Variants in NTRK3 observed in about 807,000 individuals in gnomAD.
NTRK3 encodes neurotrophic receptor tyrosine kinase 3.
NTRK3 carries 24 observed loss-of-function variants against 91.7 expected under a neutral mutation model. The observed-to-expected ratio is 0.26, with a 90% confidence interval of 0.19 to 0.37. NTRK3 has a LOEUF of 0.37. NTRK3 is among the 10% of genes least tolerant of loss of function. The probability of loss-of-function intolerance (pLI) is 1.00; values close to 1 mark genes in which losing one functional copy is unlikely to be tolerated. For synonymous variants in NTRK3, 483 were observed against 404.0 expected (o/e 1.20, Z -2.34); for missense variants, 880 against 1,068.9 (o/e 0.82, Z 2.46).
intron 5 of NTRK3, among the ~76,000 whole-genome samples, chr15:88,170,986 T>A (rs557953142): frequency 6.6e-6 from 1 of 152,130 alleles, no homozygotes; most frequent in South Asian, 2.1e-4. Context: ...AAACCAGCCC[T>A]CCAGATGCAA....
chr15:88,062,369 T>G, intron 13 of NTRK3, among the ~76,000 whole-genome samples: 1 of 152,244 alleles, frequency 6.6e-6, no homozygotes. Context: ...TGTTATTAGC[T>G]GAGCACATGT....
intron 5 of NTRK3, among the ~76,000 whole-genome samples, chr15:88,175,555 T>C (rs981272931): frequency 6.6e-6 from 1 of 152,216 alleles, no homozygotes; most frequent in African/African-American, 2.4e-5. Context: ...TAGAATCAAA[T>C]TGATCCATTT....
At chr15:88,252,348 T>A (rs1007250524) in intron 3 of NTRK3, among the ~76,000 whole-genome samples, 1 of 152,048 alleles carries the variant, frequency 6.6e-6, no homozygotes, top group Non-Finnish European at 1.5e-5. Context: ...CCCCGAATGA[T>A]CCTTCAGCCA....
intron 10 of NTRK3, among the ~76,000 whole-genome samples, chr15:88,129,299 C>T (rs367926689): frequency 6.6e-6 from 1 of 152,164 alleles, no homozygotes; most frequent in Non-Finnish European, 1.5e-5. Context: ...GAAAGCTAAT[C>T]CTTATTGCAC....
At chr15:88,207,792 G>T (rs1039957777) in intron 3 of NTRK3, among the ~76,000 whole-genome samples, 3 of 152,110 alleles carry the variant, frequency 2.0e-5, no homozygotes, top group African/African-American at 2.4e-5. Context: ...AACAGACCAG[G>T]GCCAGATGTG....
At chr15:87,987,729 T>C (rs955922352) in intron 14 of NTRK3, among the ~76,000 whole-genome samples, 1 of 152,072 alleles carries the variant, frequency 6.6e-6, no homozygotes, top group Non-Finnish European at 1.5e-5. Context: ...TTTCCCTTTA[T>C]GTTACTTAAA....
At chr15:88,083,651 T>C (rs2048252350) in intron 13 of NTRK3, among the ~76,000 whole-genome samples, 1 of 152,198 alleles carries the variant, frequency 6.6e-6, no homozygotes, top group African/African-American at 2.4e-5. Flanking sequence ...TCACATGTCA[T>C]TGTGGCTCAC....
chr15:88,215,121 G>C (rs1209715228), intron 3 of NTRK3, among the ~76,000 whole-genome samples: 2 of 152,188 alleles, frequency 1.3e-5, no homozygotes, highest in African/African-American at 2.4e-5. Context: ...TATGTGTCTG[G>C]CACACCATAA....
chr15:87,948,994 A>C (rs2070837700), intron 14 of NTRK3, among the ~76,000 whole-genome samples: 1 of 152,206 alleles, frequency 6.6e-6, no homozygotes, highest in Admixed American at 6.5e-5. Context: ...GCCAAAAGTC[A>C]AAAGGCATGT....
At chr15:87,871,344 A>T in exon 19 of NTRK3, 1 of 231,440 alleles carries the variant, frequency 4.3e-6, no homozygotes. Flanking sequence ...TGCTCAGAGC[A>T]AAAGTTCTAA....
At chr15:88,156,676 T>C (rs1221117078) in intron 5 of NTRK3, among the ~76,000 whole-genome samples, 1 of 152,172 alleles carries the variant, frequency 6.6e-6, no homozygotes, top group Admixed American at 6.5e-5. Flanking sequence ...CTTCTTTCCC[T>C]CCGCTTTCTC....
At position 88,240,457 on chromosome 15, in the gene NTRK3, C is replaced by G. The variant is rs1353855459; in HGVS notation, c.248+15449G>C. Reference sequence around the variant, plus strand: ...TCAAGGATCTCAAACTCCACTGAGTCCCAAGGGCCCCTTCTACCCCACCCT... The same window carrying G: ...TCAAGGATCTCAAACTCCACTGAGTGCCAAGGGCCCCTTCTACCCCACCCT... On this transcript the variant is annotated intron_variant, in intron 3 of 18. Coordinates refer to ENST00000394480, the Ensembl canonical transcript of NTRK3. This position sits in a 1 kb window ranked among gnomAD's most constrained non-coding sequence, Gnocchi z 4.9. Among the ~76,000 whole-genome samples the G allele has an allele frequency of 6.6e-6, 1 of 152,160 alleles. No individual in the cohort carries two copies. The highest frequency in any genetic ancestry group is 1.5e-5 in the Non-Finnish European group (1 of 68,022).
At chr15:87,900,690 G>GGTGTGTGT (rs61498493) in intron 17 of NTRK3, among the ~76,000 whole-genome samples, 2,224 of 138,282 alleles carry the variant, frequency 0.016, 37 homozygotes, top group South Asian at 0.057. Flanking sequence ...CTTTACAGAG[G>GGTGTGTGT]GTGTGTGTGT....
At position 87,922,796 on chromosome 15, in the gene NTRK3, C is replaced by G. The variant is rs951111699; in HGVS notation, c.2133+6395G>C. Among the ~76,000 whole-genome samples the G allele has an allele frequency of 6.6e-5, 10 of 152,170 alleles. No homozygotes were observed. In the East Asian group the frequency reaches 1.5e-3, roughly 23 times the overall value. The stretch of plus-strand genomic sequence containing the variant: ...ATAGAAGTTGCTCTAATTTGTATTT[C>G]TTCCCTGTTTTTCTTCTAGATGTGT... On this transcript the variant is annotated intron_variant, in intron 17 of 18. Coordinates refer to ENST00000394480, the Ensembl canonical transcript of NTRK3.
chr15:88,163,670 T>C (rs2044670640), intron 5 of NTRK3, among the ~76,000 whole-genome samples: 1 of 152,204 alleles, frequency 6.6e-6, no homozygotes, highest in South Asian at 2.1e-4. Context: ...ATGGAGGTAA[T>C]GTGGCCAGAA....
At chr15:88,167,528 T>C (rs1359159950) in intron 5 of NTRK3, among the ~76,000 whole-genome samples, 2 of 152,230 alleles carry the variant, frequency 1.3e-5, no homozygotes, top group African/African-American at 4.8e-5. Context: ...ATGATGGTAA[T>C]TGCTAGCTAC....
intron 17 of NTRK3, among the ~76,000 whole-genome samples, chr15:87,913,333 C>T (rs1209415429): frequency 2.0e-5 from 3 of 152,042 alleles, no homozygotes; most frequent in African/African-American, 4.8e-5. Context: ...ATCTATGTCA[C>T]ATTAGAATCC....
intron 13 of NTRK3, among the ~76,000 whole-genome samples, chr15:88,105,223 G>A (rs1291047605): frequency 6.6e-6 from 1 of 152,146 alleles, no homozygotes; most frequent in Non-Finnish European, 1.5e-5. Flanking sequence ...TCTTAACGTT[G>A]CCAATTCCAG....
intron 14 of NTRK3, among the ~76,000 whole-genome samples, chr15:87,959,298 G>A (rs1322106838): frequency 6.6e-6 from 1 of 152,120 alleles, no homozygotes; most frequent in Non-Finnish European, 1.5e-5. Context: ...CAGCACCTCC[G>A]CCACCACCTG....
Sources: gnomAD v4.1 joint callset for allele counts (sites outside exome capture counted in the v4.1 genomes callset) on GRCh38, gnomAD v4.1.1 for gene constraint, Gnocchi (gnomAD v3.1) non-coding constraint, MANE v1.5 for transcripts, NCBI Gene and HGNC (gene_info 2026-07-23, HGNC 2026-07-21) for gene names.